TEX14: variants seen among roughly 807,000 people sequenced by gnomAD.
TEX14 encodes testis expressed 14, intercellular bridge forming factor.
A neutral mutation model predicts 178.6 loss-of-function variants in TEX14; 168 were observed. The ratio of observed to expected loss-of-function variants is 0.94; its 90% CI spans 0.83 to 1.07. The LOEUF (loss-of-function observed/expected upper bound fraction) is 1.07. Among genes scored for constraint, TEX14 ranks in the 50% least tolerant of loss-of-function variants. TEX14 has a pLI of 0.00. For missense variants in TEX14, 1,730 were observed against 1,753.6 expected, an observed-to-expected ratio of 0.99 and a Z score of 0.24; for synonymous variants, 626 against 634.1, an observed-to-expected ratio of 0.99 and a Z score of 0.19.
rs535755614 is a variant in TEX14, at chr17:58,613,568, A to AT, written c.882-25dup. On this transcript the variant is annotated intron_variant, in intron 8 of 31. Coordinates refer to ENST00000349033, the MANE Select transcript of TEX14 (RefSeq NM_031272.5). ...TGCTGCAAAAGAAAAGAAGCTTCAG[A>AT]TAAGGCAGGTGAGAGGAGGATATGA... 4.9e-4 allele frequency: 797 copies of AT among 1,613,298 alleles called. 4 individuals are homozygous for AT. The East Asian group carries it at 0.016, about 32-fold the overall frequency.
chr17:58,630,292 G>A (rs933568541), intron 3 of TEX14, 148 bp downstream of exon 3: 13 of 546,138 alleles, frequency 2.4e-5, no homozygotes, highest in South Asian at 1.1e-4. Context: ...TCCTGACCTC[G>A]TGATCTGCCC....
In TEX14 at chr17:58,635,430, T is replaced by C. The variant is rs904585674; in HGVS notation, c.137-4876A>G. ...CCAAGGCCTCCAAGGGCTTCTCTCTTTTTTTTTTTTTTTTTTTGAGACAGA... is the reference window on the plus strand; with the variant it reads ...CCAAGGCCTCCAAGGGCTTCTCTCTCTTTTTTTTTTTTTTTTTGAGACAGA... On this transcript the variant is annotated intron_variant, in intron 2 of 31. Transcript: ENST00000349033. Among the ~76,000 whole-genome samples, 354 of 141,800 alleles carry C rather than the reference T, an allele frequency of 2.5e-3. 3 individuals carry two copies. The highest frequency in any genetic ancestry group is 8.4e-3 in the African/African-American group (317 of 37,756). The allele number at this position is 141,800 out of a possible 152,430, so 93.0% of individuals were successfully genotyped here.
chr17:58,618,275 T>C (rs2045920989), intron 5 of TEX14, among the ~76,000 whole-genome samples: 1 of 152,124 alleles, frequency 6.6e-6, no homozygotes, highest in African/African-American at 2.4e-5. Flanking sequence ...ATGGTCAGAG[T>C]TGGAAATAAC....
rs546962789 is a variant in TEX14, at chr17:58,589,250, G to A, written c.2577-1229C>T. On this transcript the variant is annotated intron_variant, in intron 15 of 31. Transcript: ENST00000349033. ...TGCACTCCAGCCTGGGTGACAGAGC[G>A]AGACTCTATTTCCAAAGAAAAAAAA... Among the ~76,000 whole-genome samples the A allele has an allele frequency of 1.7e-4, 26 of 149,770 alleles. No homozygotes were observed. The East Asian group carries it at 2.2e-3, about 13-fold the overall frequency.
chr17:58,691,536 G>A lies in TEX14; in HGVS notation c.-2+403C>T, dbSNP rs182028788. Reference sequence around the variant, plus strand: ...ACAAAAATTAGCCGGGCATGGTGGCGTGCGCCTGTAATCCCAGGTACTCAA... The same window carrying A: ...ACAAAAATTAGCCGGGCATGGTGGCATGCGCCTGTAATCCCAGGTACTCAA... On this transcript the variant is annotated intron_variant, in intron 1 of 31. Transcript: ENST00000349033. Among the ~76,000 whole-genome samples the A allele has an allele frequency of 2.5e-3, 377 of 151,906 alleles. 4 individuals are homozygous for A. The highest frequency in any genetic ancestry group is 5.9e-3 in the East Asian group (30 of 5,098).
At chr17:58,602,863 C>T (rs148186333) in intron 11 of TEX14, among the ~76,000 whole-genome samples, 2 of 149,810 alleles carry the variant, frequency 1.3e-5, no homozygotes, top group African/African-American at 4.9e-5. Context: ...GTCAAGAGAT[C>T]GAGACCGTCC....
At chr17:58,657,562 T>A (rs991379624) in intron 1 of TEX14, among the ~76,000 whole-genome samples, 1 of 145,136 alleles carries the variant, frequency 6.9e-6, no homozygotes, top group South Asian at 2.2e-4. Context: ...TCACCCAAGT[T>A]AGAGTGCAGT....
intron 13 of TEX14, among the ~76,000 whole-genome samples, chr17:58,601,144 G>C (rs544405849): frequency 4.1e-4 from 63 of 151,992 alleles, no homozygotes; most frequent in Non-Finnish European, 8.4e-4. Context: ...CCAGCACTTT[G>C]GGAGGACCAG....
chr17:58,580,602 G>A (rs557479644), intron 19 of TEX14, among the ~76,000 whole-genome samples: 17 of 152,230 alleles, frequency 1.1e-4, no homozygotes, highest in African/African-American at 2.2e-4. Flanking sequence ...GAGCTACCGC[G>A]CCTGGCCTGA....
intron 1 of TEX14, chr17:58,659,238 TA>T: frequency 1.5e-5 from 8 of 524,154 alleles, no homozygotes; most frequent in Non-Finnish European, 1.6e-5. Context: ...AAACACATAG[TA>T]AAAACCCTCC....
intron 21 of TEX14, among the ~76,000 whole-genome samples, chr17:58,576,713 A>G (rs2044686821): frequency 6.6e-6 from 1 of 152,008 alleles, no homozygotes; most frequent in South Asian, 2.1e-4. Flanking sequence ...GCAACCACTC[A>G]TCTGTTCTTT....
chr17:58,606,696 T>C (rs2045614601), intron 10 of TEX14, among the ~76,000 whole-genome samples: 1 of 151,536 alleles, frequency 6.6e-6, no homozygotes, highest in Non-Finnish European at 1.5e-5. Flanking sequence ...ACTGAGCCAC[T>C]GCACTCCAGC....
At chr17:58,667,237 G>C (rs1380524291) in intron 1 of TEX14, among the ~76,000 whole-genome samples, 1 of 152,174 alleles carries the variant, frequency 6.6e-6, no homozygotes, top group Non-Finnish European at 1.5e-5. Flanking sequence ...GTACTGCAGA[G>C]TGGAGGGTTT....
At position 58,616,177 on chromosome 17, in the gene TEX14, G is replaced by A. The variant is rs55855804; in HGVS notation, c.765C>T (p.Thr255=). The change falls in exon 7 of 32, where the codon ACC becomes ACT. Residue 255 remains threonine (T), a splice_region_variant and synonymous_variant. Coordinates refer to ENST00000349033, the MANE Select transcript of TEX14 (RefSeq NM_031272.5). ...SFFSGPYMVM[T]NLVWNGSRVT... ...CAAACTGGCCAGCCCCCACTTACTT[G>A]GTCATGACCATGTAGGGGCCGCTGA... 1.9e-3 allele frequency: 3,020 copies of A among 1,612,254 alleles called. 47 individuals are homozygous for A. The African/African-American group carries it at 0.033, about 17-fold the overall frequency.
intron 2 of TEX14, among the ~76,000 whole-genome samples, chr17:58,636,922 A>C (rs977531046): frequency 3.3e-5 from 5 of 150,940 alleles, no homozygotes; most frequent in African/African-American, 1.2e-4. Flanking sequence ...CAAAAAAAAA[A>C]GAAGAAAGAA....
At chr17:58,564,339 A>C (rs1403228315) in intron 28 of TEX14, 1 of 152,288 alleles carries the variant, frequency 6.6e-6, no homozygotes, top group Admixed American at 6.5e-5. Context: ...GCCTTAAAAA[A>C]GAAGGAAATG....
chr17:58,602,710 T>G, intron 11 of TEX14, 120 bp from the exon 12 acceptor site: 1 of 712,194 alleles, frequency 1.4e-6, no homozygotes, highest in East Asian at 2.7e-5. Context: ...TTATTTTTTT[T>G]TCTAATCCAC....
At chr17:58,579,631 G>A in intron 20 of TEX14, 34 bp downstream of exon 20, 2 of 1,558,142 alleles carry the variant, frequency 1.3e-6, no homozygotes, top group African/African-American at 2.7e-5. Context: ...TAAGGGAAGT[G>A]ATTCTCAAGG....
chr17:58,634,248 A>G (rs1314774345), intron 2 of TEX14, among the ~76,000 whole-genome samples: 3 of 151,690 alleles, frequency 2.0e-5, no homozygotes, highest in Non-Finnish European at 2.9e-5. Flanking sequence ...CCCTGTCTCT[A>G]CTAAAAATAC....
Sources: allele counts gnomAD v4.1 joint callset (sites outside exome capture counted in the v4.1 genomes callset), GRCh38; gene constraint gnomAD v4.1.1; transcripts MANE v1.5; gene names NCBI Gene and HGNC (gene_info 2026-07-23, HGNC 2026-07-21).